Variants in SUSD5 observed in about 807,000 individuals in gnomAD.
SUSD5 encodes the protein sushi domain-containing protein 5.
SUSD5 carries 33 observed loss-of-function variants against 29.5 expected under a neutral mutation model. The observed-to-expected ratio is 1.12, with a 90% CI of 0.85 to 1.49. The LOEUF (loss-of-function observed/expected upper bound fraction) is 1.49, where lower values mean the gene tolerates loss of function less well. SUSD5 is among the 40% of genes most tolerant of loss of function. SUSD5 has a pLI of 0.00. For synonymous variants in SUSD5, 308 were observed against 325.3 expected (o/e 0.95, Z 0.57); for missense variants, 776 against 800.6 (o/e 0.97, Z 0.37).
intron 3 of SUSD5, among the ~76,000 whole-genome samples, chr3:33,198,759 T>G (rs2032044120): frequency 6.6e-6 from 1 of 152,136 alleles, no homozygotes; most frequent in Non-Finnish European, 1.5e-5. Flanking sequence ...GGCTATGCAG[T>G]CTGGTCTCAT....
chr3:33,193,279 T>C (rs981425592), intron 3 of SUSD5, among the ~76,000 whole-genome samples: 12 of 152,172 alleles, frequency 7.9e-5, no homozygotes, highest in Admixed American at 3.9e-4. Flanking sequence ...TTGTAGACGA[T>C]GCATTGAGGA....
chr3:33,185,486 T>C (rs981066977), intron 3 of SUSD5, among the ~76,000 whole-genome samples: 7 of 152,166 alleles, frequency 4.6e-5, no homozygotes, highest in Non-Finnish European at 1.0e-4. Context: ...TACAGCTACG[T>C]TTTCCTACCC....
intron 3 of SUSD5, among the ~76,000 whole-genome samples, chr3:33,175,549 CACACACACACACACTATATATATATAT>C (rs1039563074): frequency 5.4e-5 from 8 of 148,412 alleles, no homozygotes; most frequent in African/African-American, 2.0e-4. Context: ...ACAAAAATTA[CACACACACACACACTATATATATATAT>C]ACACACACAC....
At chr3:33,182,570 A>C (rs1188223534) in intron 3 of SUSD5, among the ~76,000 whole-genome samples, 1 of 152,184 alleles carries the variant, frequency 6.6e-6, no homozygotes, top group Non-Finnish European at 1.5e-5. Flanking sequence ...TTGCAGTTCT[A>C]TCAGTTTTTC....
chr3:33,203,953 T>C (rs1012431116), intron 3 of SUSD5, among the ~76,000 whole-genome samples: 2 of 152,148 alleles, frequency 1.3e-5, no homozygotes, highest in Non-Finnish European at 2.9e-5. Context: ...CCCACTCTGT[T>C]GCTCAGGCTG....
rs1048366687 is a variant in SUSD5, at chr3:33,152,818, C to G, written c.1814G>C (p.Ser605Thr). The change falls in exon 5 of 5, where the codon AGC becomes ACC. Residue 605 changes from serine (S) to threonine (T), a missense_variant. Physicochemically the swap from Ser to Thr is moderately conservative, Grantham distance 58. Transcript: ENST00000309558. ...GCCAACATTCAGCTTGTACACAGAGCTCTTGTGCTGGCACTTGCGGTAGCC... is the reference window on the plus strand; with the variant it reads ...GCCAACATTCAGCTTGTACACAGAGGTCTTGTGCTGGCACTTGCGGTAGCC... ...VWGYRKCQHK[S>T]SVYKLNVGQR... The G allele has an allele frequency of 4.3e-6, 7 of 1,613,990 alleles. No individual in the cohort carries two copies. The highest frequency in any genetic ancestry group is 5.9e-6 in the Non-Finnish European group (7 of 1,179,884).
rs1489196404 is a variant in SUSD5, at chr3:33,151,829, A to G, written c.*913T>C. On this transcript the variant is annotated 3_prime_UTR_variant, in exon 5 of 5. Transcript: ENST00000309558. ...ACAGACTGTCCCACAGAATGGAGGG[A>G]ACAGAGGGGGATGTGTGTTTCTTCA... The G allele has an allele frequency of 6.6e-6, 1 of 152,216 alleles. No homozygotes were observed. The highest frequency in any genetic ancestry group is 2.4e-5 in the African/African-American group (1 of 41,452). The allele number at this position is 152,216 out of a possible 1,614,324, so 9.4% of individuals were successfully genotyped here.
chr3:33,199,883 C>T (rs1463127593), intron 3 of SUSD5, among the ~76,000 whole-genome samples: 1 of 152,118 alleles, frequency 6.6e-6, no homozygotes, highest in East Asian at 1.9e-4. Flanking sequence ...CAGGAGGGCT[C>T]CACTTTCATA....
chr3:33,207,824 A>C lies in SUSD5; in HGVS notation c.393T>G (p.Leu131=), dbSNP rs1456420997. ...GGCACTGACCTTCATCCTTAATACA[A>C]AGGGCACTGTATGTGCCACCAGGAA... ...NPVPGGTYSA[L]CIKDEEKPCG... is the part of the protein sequence containing the mutation. The change falls in exon 3 of 5, where the codon CTT becomes CTG. Residue 131 remains leucine, a synonymous_variant. Transcript: ENST00000309558. 6.2e-7 allele frequency: 1 copy of C among 1,611,326 alleles called. No homozygotes were observed. Among genetic ancestry groups the C allele is most frequent in the African/African-American group, 1.3e-5 (1 of 74,960 alleles).
chr3:33,194,055 A>C (rs778659952), intron 3 of SUSD5, among the ~76,000 whole-genome samples: 1 of 152,138 alleles, frequency 6.6e-6, no homozygotes, highest in Non-Finnish European at 1.5e-5. Context: ...GGTGTTTGAG[A>C]TATTTCTCAG....
chr3:33,217,042 G>A (rs1412028905), intron 1 of SUSD5, among the ~76,000 whole-genome samples: 1 of 152,188 alleles, frequency 6.6e-6, no homozygotes, highest in Non-Finnish European at 1.5e-5. Flanking sequence ...TCTTTGACCA[G>A]TGACATTTCT....
chr3:33,199,081 G>A (rs2032051328), intron 3 of SUSD5, among the ~76,000 whole-genome samples: 1 of 152,090 alleles, frequency 6.6e-6, no homozygotes, highest in Non-Finnish European at 1.5e-5. Context: ...ATGCAATAAT[G>A]CATGCGCACT....
rs778940476 is a variant in SUSD5 at position 33,175,029 on chromosome 3, T to C, written c.455A>G (p.Gln152Arg). The change falls in exon 4 of 5, where the codon CAG becomes CGG. Residue 152 changes from glutamine (Q) to arginine (R), a missense_variant. By Grantham distance (43) the Gln-to-Arg change is conservative. Coordinates refer to ENST00000309558, the MANE Select transcript of SUSD5 (RefSeq NM_015551.2). ...CCCCATTTCCAAGCCGGTGCGGCCC[T>C]GCAGGATGGTGTGTGGGAACGAAGG... is the stretch of plus-strand genomic sequence containing the variant. ...DPPSFPHTIL[Q>R]GRTGLEMGDE... 6.2e-7 allele frequency: 1 copy of C among 1,614,002 alleles called. No individual in the cohort carries two copies.
intron 3 of SUSD5, among the ~76,000 whole-genome samples, chr3:33,199,520 G>A (rs1223398324): frequency 3.9e-5 from 6 of 152,160 alleles, no homozygotes; most frequent in Admixed American, 6.5e-5. Flanking sequence ...TGATCCGCCC[G>A]CCTCGGCCTC....
Position 33,153,985 on chromosome 3 carries a change from C to T in SUSD5, c.647G>A (p.Arg216Lys), listed in dbSNP as rs9872477. 1,472 of 1,609,172 alleles carry T rather than the reference C, an allele frequency of 9.1e-4. 17 individuals carry two copies. The African/African-American group carries it at 0.017, about 18-fold the overall frequency. Residue 216 changes from arginine to lysine, a missense_variant, in exon 5 of 5, where the codon AGA becomes AAA. Arg to Lys is a conservative substitution (Grantham distance 26). Transcript: ENST00000309558. ...CATGAGCTCTCTGAATGACACAGAT[C>T]TGTCATCAGGGAAGTTATCTTCATA... ...IDYEDNFPDDRSVSFRELMED... is the reference protein window; with the variant it reads ...IDYEDNFPDDKSVSFRELMED...
Position 33,152,824 on chromosome 3 carries a change from T to C in SUSD5, c.1808A>G (p.His603Arg). Reference sequence around the variant, plus strand: ...ATTCAGCTTGTACACAGAGCTCTTGTGCTGGCACTTGCGGTAGCCCCACAC... The same window carrying C: ...ATTCAGCTTGTACACAGAGCTCTTGCGCTGGCACTTGCGGTAGCCCCACAC... ...GMVWGYRKCQ[H>R]KSSVYKLNVG... is the part of the protein sequence containing the mutation. The change falls in exon 5 of 5, where the codon CAC becomes CGC. Residue 603 changes from histidine to arginine, a missense_variant. Coordinates refer to ENST00000309558, the MANE Select transcript of SUSD5 (RefSeq NM_015551.2). The C allele has an allele frequency of 1.2e-6, 2 of 1,613,988 alleles. No individual in the cohort carries two copies. Among genetic ancestry groups the C allele is most frequent in the Non-Finnish European group, 1.7e-6 (2 of 1,179,886 alleles).
At chr3:33,202,826 A>T (rs2032145383) in intron 3 of SUSD5, among the ~76,000 whole-genome samples, 1 of 152,266 alleles carries the variant, frequency 6.6e-6, no homozygotes, top group South Asian at 2.1e-4. Flanking sequence ...AGAAAAGTCT[A>T]CATTCACGAT....
intron 2 of SUSD5, among the ~76,000 whole-genome samples, chr3:33,212,134 T>C (rs1370846747): frequency 2.6e-5 from 4 of 152,198 alleles, no homozygotes; most frequent in Admixed American, 6.5e-5. Flanking sequence ...ATATTTGAGA[T>C]GACAGATATG....
In SUSD5 at chr3:33,218,800, T is replaced by A. The variant is rs2032473187; in HGVS notation, c.-3A>T. ...GGGCTGGGTCCCTCGGCAGTCATGG[T>A]CCGGGAGTGCGCGGGCCAGCGGACT... On this transcript the variant is annotated 5_prime_UTR_variant, in exon 1 of 5. Transcript: ENST00000309558. The A allele has an allele frequency of 4.2e-6, 6 of 1,443,328 alleles. No homozygotes were observed. Among genetic ancestry groups the A allele is most frequent in the Non-Finnish European group, 5.4e-6 (6 of 1,103,884 alleles). 89.4% of individuals were successfully genotyped at this position (1,443,328 alleles called of 1,614,324 possible).
Sources: gnomAD v4.1 joint callset for allele counts (sites outside exome capture counted in the v4.1 genomes callset) on GRCh38, gnomAD v4.1.1 for gene constraint, MANE v1.5 for transcripts, NCBI Gene and HGNC (gene_info 2026-07-23, HGNC 2026-07-21) for gene names.